The following RAB40C variants were observed in gnomAD, a reference collection of about 807,000 sequenced individuals.
RAB40C encodes RAB40C, member RAS oncogene family.
RAB40C carries 8 observed loss-of-function variants against 28.1 expected under a neutral mutation model. That is an observed-to-expected ratio of 0.28 (90% CI 0.17 to 0.51). RAB40C has a LOEUF of 0.51. RAB40C is among the 20% of genes least tolerant of loss of function. The probability of loss-of-function intolerance (pLI) is 0.97; values close to 1 mark genes in which losing one functional copy is unlikely to be tolerated. For synonymous variants in RAB40C, 201 were observed against 171.7 expected, an observed-to-expected ratio of 1.17 and a Z score of -1.34; for missense variants, 288 against 405.9, an observed-to-expected ratio of 0.71 and a Z score of 2.50.
rs2036873016 is a variant in RAB40C, at chr16:627,779, G to A, written c.*157G>A. The A allele has an allele frequency of 1.1e-6, 1 of 951,774 alleles. No homozygotes were observed. The highest frequency in any genetic ancestry group is 1.7e-5 in the African/African-American group (1 of 59,562). 59.0% of individuals were successfully genotyped at this position (951,774 alleles called of 1,614,324 possible). On this transcript the variant is annotated 3_prime_UTR_variant, in exon 6 of 6. Transcript: ENST00000248139. The stretch of plus-strand genomic sequence containing the variant: ...ACACCTGAGCCGGGTGCGAGGAGGA[G>A]CATGCACGGACCAAGCGCGGCAGGC...
chr16:597,999 C>T (rs1228524161), intron 1 of RAB40C, among the ~76,000 whole-genome samples: 2 of 147,524 alleles, frequency 1.4e-5, no homozygotes, highest in Non-Finnish European at 3.0e-5. Context: ...GTAATTCCAG[C>T]ACTTTGGGAG....
At chr16:625,223 C>G (rs1185818099) in intron 3 of RAB40C, 5 of 1,436,320 alleles carry the variant, frequency 3.5e-6, no homozygotes, top group Admixed American at 2.2e-5. Flanking sequence ...GCGCCCACCC[C>G]CCTGCTGCAG....
chr16:616,559 C>G (rs1021323019), intron 1 of RAB40C: 1 of 152,220 alleles, frequency 6.6e-6, no homozygotes, highest in East Asian at 1.9e-4. Flanking sequence ...AGGCTGCTCT[C>G]AAACTCCCGA....
chr16:626,427 C>T (rs1275728029), intron 5 of RAB40C, among the ~76,000 whole-genome samples: 1 of 152,118 alleles, frequency 6.6e-6, no homozygotes, highest in Non-Finnish European at 1.5e-5. Flanking sequence ...CTCGCTCCTT[C>T]CTGGTTCCGG....
Position 601,815 on chromosome 16 carries a change from TAAAAAA to T in RAB40C, c.142+11407_142+11412del, listed in dbSNP as rs60094426. ...AAGGCCCTATCCCTGCAAAAAAAAG[TAAAAAA>T]AAAAAAAAAAAAAAAAAAAAAAAAG... On this transcript the variant is annotated intron_variant, in intron 1 of 5. Transcript: ENST00000248139. Among the ~76,000 whole-genome samples the T allele has an allele frequency of 9.6e-3, 260 of 27,198 alleles. 1 individual carries two copies. Among genetic ancestry groups the T allele is most frequent in the Non-Finnish European group, 0.015 (212 of 14,016 alleles). The allele number at this position is 27,198 out of a possible 152,430, so 17.8% of individuals were successfully genotyped here. A position where few individuals can be genotyped will look rare whatever the true frequency, so the allele number is the denominator to read the frequency against.
chr16:611,243 C>G (rs374633425), intron 1 of RAB40C, among the ~76,000 whole-genome samples: 1 of 152,212 alleles, frequency 6.6e-6, no homozygotes, highest in South Asian at 2.1e-4. Flanking sequence ...GCAGCCATGG[C>G]TCCTGGTGGC....
In RAB40C at chr16:605,788, T is replaced by C. The variant is rs538198680; in HGVS notation, c.143-11420T>C. ...CGCGTTTGGTCAACACAGGTGCCCA[T>C]TGCTGTTGGGACGTACTGAGGAGTG... is the stretch of plus-strand genomic sequence containing the variant. On this transcript the variant is annotated intron_variant, in intron 1 of 5. Transcript: ENST00000248139. Among the ~76,000 whole-genome samples the C allele has an allele frequency of 2.5e-4, 38 of 152,280 alleles. 2 individuals are homozygous for C. The highest frequency in any genetic ancestry group is 1.7e-3 in the Admixed American group (26 of 15,296).
At chr16:621,259 C>T (rs1317572761) in intron 3 of RAB40C, among the ~76,000 whole-genome samples, 1 of 151,900 alleles carries the variant, frequency 6.6e-6, no homozygotes, top group Non-Finnish European at 1.5e-5. Context: ...TGTCCTGTGT[C>T]TCTCCTGCCT....
At chr16:589,823 G>A (rs1327259416), upstream of RAB40C, 1 of 152,366 alleles carries the variant, frequency 6.6e-6, no homozygotes, top group Non-Finnish European at 1.5e-5. Flanking sequence ...GAAAGGCGGG[G>A]GAGGGGCGGT....
intron 1 of RAB40C, among the ~76,000 whole-genome samples, chr16:590,940 G>A (rs1426756423): frequency 6.6e-6 from 1 of 150,502 alleles, no homozygotes; most frequent in East Asian, 2.0e-4. Flanking sequence ...AAGGTGTCAT[G>A]GGTCCAGGAT....
chr16:626,928 C>CT (rs1406541216), intron 5 of RAB40C, among the ~76,000 whole-genome samples: 1 of 152,184 alleles, frequency 6.6e-6, no homozygotes, highest in African/African-American at 2.4e-5. Flanking sequence ...CAGAGCGAGA[C>CT]CCGTCTCAAA....
At chr16:606,852 A>AGATAATCCCG in intron 1 of RAB40C, among the ~76,000 whole-genome samples, 1 of 152,326 alleles carries the variant, frequency 6.6e-6, no homozygotes, top group Non-Finnish European at 1.5e-5. Flanking sequence ...GGCCCCACCC[A>AGATAATCCCG]GATAATCCCG....
At chr16:596,170 G>C (rs898111894) in intron 1 of RAB40C, 3 of 391,978 alleles carry the variant, frequency 7.7e-6, no homozygotes, top group African/African-American at 2.1e-5. Context: ...CTCGTGTCGA[G>C]CACACGTGTT....
intron 1 of RAB40C, among the ~76,000 whole-genome samples, chr16:595,427 C>T (rs1596397177): frequency 2.0e-5 from 3 of 152,286 alleles, no homozygotes; most frequent in African/African-American, 4.8e-5. Flanking sequence ...TCCTCACGTC[C>T]ACCTGGGCCT....
chr16:591,171 GGGGAAGGTGTCATGGGCCTAA>G (rs1269003780), intron 1 of RAB40C, among the ~76,000 whole-genome samples: 63 of 148,146 alleles, frequency 4.3e-4, no homozygotes, highest in African/African-American at 1.6e-3. Context: ...TGGGATCTCA[GGGGAAGGTGTCATGGGCCTAA>G]GGGAAGGTGT....
chr16:607,740 G>A (rs576335527), intron 1 of RAB40C, among the ~76,000 whole-genome samples: 5 of 152,168 alleles, frequency 3.3e-5, no homozygotes, highest in South Asian at 4.1e-4. Context: ...GCAGTGAGCC[G>A]AGATCGCGCC....
At chr16:626,478 C>A (rs1255825208) in intron 5 of RAB40C, among the ~76,000 whole-genome samples, 1 of 152,154 alleles carries the variant, frequency 6.6e-6, no homozygotes, top group African/African-American at 2.4e-5. Context: ...GCCGTGCCTG[C>A]AGCTTTGTGT....
chr16:614,826 T>G (rs1456772365), intron 1 of RAB40C, among the ~76,000 whole-genome samples: 1 of 143,484 alleles, frequency 7.0e-6, no homozygotes, highest in Non-Finnish European at 1.5e-5. Flanking sequence ...AAACTCTACC[T>G]CGTCCCAGTG....
intron 1 of RAB40C, among the ~76,000 whole-genome samples, chr16:615,472 A>G (rs1049360558): frequency 6.6e-6 from 1 of 152,184 alleles, no homozygotes; most frequent in Non-Finnish European, 1.5e-5. Flanking sequence ...GTGTCATAAA[A>G]AGACAAAACG....
Sources: allele counts gnomAD v4.1 joint callset (sites outside exome capture counted in the v4.1 genomes callset), GRCh38; gene constraint gnomAD v4.1.1; transcripts MANE v1.5; gene names NCBI Gene and HGNC (gene_info 2026-07-23, HGNC 2026-07-21).